RIOK2: variants seen among roughly 807,000 people sequenced by gnomAD.
RIOK2 encodes serine/threonine-protein kinase RIO2.
A neutral mutation model predicts 62.4 loss-of-function variants in RIOK2; 46 were observed. The ratio of observed to expected loss-of-function variants is 0.74; its 90% CI spans 0.58 to 0.94. The LOEUF is 0.94. RIOK2 is among the 40% of genes least tolerant of loss of function. The pLI, the probability that RIOK2 is intolerant of heterozygous loss-of-function variation, is 0.00. For missense variants in RIOK2, 574 were observed against 658.0 expected (o/e 0.87, Z 1.40); for synonymous variants, 197 against 216.0 (o/e 0.91, Z 0.77).
In RIOK2 at chr5:97,177,290, A is replaced by C. The variant is rs752090917; in HGVS notation, c.324T>G (p.Asp108Glu). The part of the protein sequence containing the change: ...GNQMGVGKES[D>E]IYIVANEEGQ... ...CTTCTTCATTTGCAACAATGTAAAT[A>C]TCTAGAGACAAAATTTCAAAAACAA... The change falls in exon 4 of 10, where the codon GAT becomes GAG. Residue 108 changes from aspartate (D) to glutamate (E), a missense_variant and splice_region_variant. By Grantham distance (45) the Asp-to-Glu change is conservative (BLOSUM62 2). Transcript: ENST00000283109. 1 of 1,605,350 alleles carries C rather than the reference A, an allele frequency of 6.2e-7. No individual in the cohort carries two copies. The highest frequency in any genetic ancestry group is 2.2e-5 in the East Asian group (1 of 44,704).
chr5:97,178,863 T>A (rs1580278135), intron 2 of RIOK2, 192 bp downstream of exon 2: 2 of 668,040 alleles, frequency 3.0e-6, no homozygotes, highest in South Asian at 3.4e-5. Flanking sequence ...CTACTATTCT[T>A]TTTTCACCTC....
chr5:97,167,879 T>C lies in RIOK2; in HGVS notation c.985A>G (p.Lys329Glu). ...LGPDDKNIET[K>E]EGSEFSFSDG... ...GAAAATGAGAATTCAGATCCCTCTT[T>C]TGTTTCAATATTTTTATCATCTGGA... Residue 329 changes from lysine to glutamate, a missense_variant, in exon 8 of 10, where the codon AAA becomes GAA. By Grantham distance (56) the Lys-to-Glu change is moderately conservative. Coordinates refer to ENST00000283109, the MANE Select transcript of RIOK2 (RefSeq NM_018343.3). The C allele has an allele frequency of 6.2e-7, 1 of 1,613,676 alleles. No homozygotes were observed. Among genetic ancestry groups the C allele is most frequent in the Non-Finnish European group, 8.5e-7 (1 of 1,180,014 alleles).
intron 6 of RIOK2, 21 bp downstream of exon 6, chr5:97,171,185 A>T (rs1164336518): frequency 3.7e-6 from 5 of 1,354,532 alleles, no homozygotes; most frequent in African/African-American, 1.5e-5. Flanking sequence ...AAATAAAAAT[A>T]AAAAAATAGC....
chr5:97,179,013 C>G (rs62377109), intron 2 of RIOK2, 42 bp downstream of exon 2: 141,599 of 1,611,122 alleles, frequency 0.088, 6,489 homozygotes, highest in Middle Eastern at 0.11. Flanking sequence ...TGGTGGAAAC[C>G]AATTACCTGA....
At chr5:97,179,214 A>G (rs1254146530) in intron 1 of RIOK2, 21 bp from the exon 2 acceptor site, 1 of 1,608,424 alleles carries the variant, frequency 6.2e-7, no homozygotes, top group East Asian at 2.2e-5. Context: ...AGGAATCATT[A>G]TATAATCATA....
At chr5:97,163,311 C>T in intron 9 of RIOK2, 86 bp from the exon 10 acceptor site, 3 of 1,106,976 alleles carry the variant, frequency 2.7e-6, no homozygotes, top group South Asian at 2.8e-5. Flanking sequence ...TATATATTGA[C>T]ACCATGAATT....
At chr5:97,168,391 A>G (rs1004495390) in intron 7 of RIOK2, among the ~76,000 whole-genome samples, 1 of 150,134 alleles carries the variant, frequency 6.7e-6, no homozygotes, top group Admixed American at 6.7e-5. Context: ...CATGATAGTT[A>G]TGTTTTGAGA....
chr5:97,176,875 A>C, intron 4 of RIOK2: 1 of 408,090 alleles, frequency 2.5e-6, no homozygotes, highest in Non-Finnish European at 4.4e-6. Context: ...TCATCTTGTC[A>C]GCATTACAGA....
Position 97,167,937 on chromosome 5 carries a change from C to A in RIOK2, c.927G>T (p.Met309Ile). 6.2e-7 allele frequency: 1 copy of A among 1,607,782 alleles called. No individual in the cohort carries two copies. Residue 309 changes from methionine (M) to isoleucine (I), a missense_variant, in exon 8 of 10, where the codon ATG becomes ATT. Transcript: ENST00000283109. Reference protein sequence around the residue: ...EVSASGYTKEMQADDELLHPL... With the variant: ...EVSASGYTKEIQADDELLHPL... ...GATGAAGCAGTTCATCATCTGCCTGCATTTCCTTTGTGTAGCCACTGGCAG... is the reference window on the plus strand; with the variant it reads ...GATGAAGCAGTTCATCATCTGCCTGAATTTCCTTTGTGTAGCCACTGGCAG...
At position 97,167,946 on chromosome 5, in the gene RIOK2, T is replaced by G; in HGVS notation, c.918A>C (p.Thr306=). The change falls in exon 8 of 10, where the codon ACA becomes ACC. Residue 306 remains threonine (T), a synonymous_variant. Transcript: ENST00000283109. The part of the protein sequence containing the change: ...LDVEVSASGY[T]KEMQADDELL... ...GTTCATCATCTGCCTGCATTTCCTT[T>G]GTGTAGCCACTGGCAGAAACCTCCA... The G allele has an allele frequency of 6.2e-7, 1 of 1,606,424 alleles. No homozygotes were observed. The highest frequency in any genetic ancestry group is 8.5e-7 in the Non-Finnish European group (1 of 1,179,836).
chr5:97,168,785 G>T lies in RIOK2; in HGVS notation c.847C>A (p.Leu283Ile), dbSNP rs1182826184. The change falls in exon 7 of 10, where the codon CTT becomes ATT. Residue 283 changes from leucine (L) to isoleucine (I), a missense_variant. By Grantham distance (5) the Leu-to-Ile change is conservative (BLOSUM62 2). Transcript: ENST00000283109. Reference protein sequence around the residue: ...FMKRFSYESELFPTFKDIRRE... With the variant: ...FMKRFSYESEIFPTFKDIRRE... ...CTGATATCCTTAAAAGTTGGAAAAA[G>T]CTCACTTTCGTAGCTGAAACGTTTC... 1.2e-6 allele frequency: 2 copies of T among 1,600,246 alleles called. No individual in the cohort carries two copies. Among genetic ancestry groups the T allele is most frequent in the Non-Finnish European group, 1.7e-6 (2 of 1,174,978 alleles).
chr5:97,180,126 G>GTATATATATGTATATGTA (rs1749344658), intron 1 of RIOK2, among the ~76,000 whole-genome samples: 18 of 30,782 alleles, frequency 5.8e-4, no homozygotes, highest in African/African-American at 1.5e-3. Flanking sequence ...ATGTGTATAT[G>GTATATATATGTATATGTA]TATATATATA....
At chr5:97,166,678 G>C (rs1477046198) in intron 8 of RIOK2, 1 of 686,352 alleles carries the variant, frequency 1.5e-6, no homozygotes, top group Admixed American at 6.1e-5. Context: ...AATATCATTA[G>C]ATAATTTTAA....
In RIOK2 at chr5:97,183,175, A is replaced by G. The variant is rs566599094; in HGVS notation, c.17T>C (p.Val6Ala). The G allele has an allele frequency of 1.2e-5, 19 of 1,614,034 alleles. No homozygotes were observed. The Admixed American group carries it at 3.0e-4, about 25-fold the overall frequency. ...TCGGCTCATGTAACGCAACTTGGCCACATTCACTTTCCCCATGGCGGCCCC... is the reference window on the plus strand; with the variant it reads ...TCGGCTCATGTAACGCAACTTGGCCGCATTCACTTTCCCCATGGCGGCCCC... MGKVN[V>A]AKLRYMSRDD... The change falls in exon 1 of 10, where the codon GTG becomes GCG. Residue 6 changes from valine (V) to alanine (A), a missense_variant. By Grantham distance (64) the Val-to-Ala change is moderately conservative. Transcript: ENST00000283109.
intron 8 of RIOK2, 44 bp downstream of exon 8, chr5:97,167,423 A>T: frequency 6.4e-7 from 1 of 1,573,026 alleles, no homozygotes; most frequent in Non-Finnish European, 8.6e-7. Flanking sequence ...ACAAAGTATC[A>T]GTCTCAAGAC....
In RIOK2 at chr5:97,161,422, A is replaced by G. The variant is rs1275290639; in HGVS notation, c.*1639T>C. 6.6e-6 allele frequency: 1 copy of G among 152,204 alleles called. No individual in the cohort carries two copies. Among genetic ancestry groups the G allele is most frequent in the African/African-American group, 2.4e-5 (1 of 41,450 alleles). The allele number at this position is 152,204 out of a possible 1,614,324, so 9.4% of individuals were successfully genotyped here. A position where few individuals can be genotyped will look rare whatever the true frequency, so the allele number is the denominator to read the frequency against. On this transcript the variant is annotated 3_prime_UTR_variant, in exon 10 of 10. Transcript: ENST00000283109. ...TGGCTAGCCAAACATATCTTCAAAAAATAACTATTATAATTATACCTTAGT... is the reference window on the plus strand; with the variant it reads ...TGGCTAGCCAAACATATCTTCAAAAGATAACTATTATAATTATACCTTAGT...
intron 9 of RIOK2, among the ~76,000 whole-genome samples, chr5:97,164,237 A>C (rs1748780778): frequency 1.3e-5 from 2 of 151,838 alleles, no homozygotes; most frequent in African/African-American, 4.8e-5. Context: ...GCAGTGGCTC[A>C]CGCCTGAAAT....
At chr5:97,178,535 A>C (rs142247520) in intron 2 of RIOK2, among the ~76,000 whole-genome samples, 7,816 of 120,118 alleles carry the variant, frequency 0.065, 282 homozygotes, top group Middle Eastern at 0.11. Context: ...ACCTGCTCTT[A>C]TGCAGTACCT....
Position 97,180,274 on chromosome 5 carries a change from G to A in RIOK2, c.67-1081C>T, listed in dbSNP as rs74599113. Reference sequence around the variant, plus strand: ...ATAAGTGCTTAAAAAGGTAGCTCAGGGCAGAATAAGAATACTTCTAGCTGA... The same window carrying A: ...ATAAGTGCTTAAAAAGGTAGCTCAGAGCAGAATAAGAATACTTCTAGCTGA... On this transcript the variant is annotated intron_variant, in intron 1 of 9. Transcript: ENST00000283109. Among the ~76,000 whole-genome samples, 606 of 149,660 alleles carry A rather than the reference G, an allele frequency of 4.0e-3. 1 individual carries two copies. Among genetic ancestry groups the A allele is most frequent in the Non-Finnish European group, 6.8e-3 (459 of 67,618 alleles).
Sources: gnomAD v4.1 joint callset for allele counts (sites outside exome capture counted in the v4.1 genomes callset) on GRCh38, gnomAD v4.1.1 for gene constraint, MANE v1.5 for transcripts, NCBI Gene and HGNC (gene_info 2026-07-23, HGNC 2026-07-21) for gene names.